HMGCLL1: variants seen among roughly 807,000 people sequenced by gnomAD.
HMGCLL1 encodes 3-hydroxymethyl-3-methylglutaryl-CoA lyase, cytoplasmic.
A neutral mutation model predicts 39.1 loss-of-function variants in HMGCLL1; 36 were observed. The ratio of observed to expected loss-of-function variants is 0.92; its 90% CI spans 0.71 to 1.22. The LOEUF is 1.22. HMGCLL1 is among the 50% of genes most tolerant of loss of function. The pLI, the probability that HMGCLL1 is intolerant of heterozygous loss-of-function variation, is 0.00. For missense variants in HMGCLL1, 451 were observed against 416.5 expected, an observed-to-expected ratio of 1.08 and a Z score of -0.72; for synonymous variants, 149 against 144.0, an observed-to-expected ratio of 1.03 and a Z score of -0.25.
chr6:55,506,541 G>C (rs1019425375), intron 5 of HMGCLL1, among the ~76,000 whole-genome samples: 18 of 151,612 alleles, frequency 1.2e-4, no homozygotes, highest in Non-Finnish European at 3.0e-5. Context: ...CAATTCATAA[G>C]CTTAAAATTG....
the HMGCLL1 span, among the ~76,000 whole-genome samples, chr6:55,674,823 T>C: frequency 6.6e-6 from 1 of 152,066 alleles, no homozygotes; most frequent in African/African-American, 2.4e-5. Context: ...ACAGCTGTTC[T>C]CTTTTTCCAG....
At chr6:55,593,182 G>A in the HMGCLL1 span, among the ~76,000 whole-genome samples, 5,475 of 152,190 alleles carry the variant, frequency 0.036, 159 homozygotes, top group South Asian at 0.11. Flanking sequence ...CAAGGAGTCA[G>A]ATTCCTGGGA....
At chr6:55,559,510 C>T (rs1162889962) in intron 1 of HMGCLL1, among the ~76,000 whole-genome samples, 1 of 152,152 alleles carries the variant, frequency 6.6e-6, no homozygotes, top group Non-Finnish European at 1.5e-5. Context: ...TGGATGTTTC[C>T]TCCTATGGTC....
intron 3 of HMGCLL1, among the ~76,000 whole-genome samples, chr6:55,524,463 TA>T (rs376524274): frequency 5.5e-4 from 74 of 134,518 alleles, no homozygotes; most frequent in East Asian, 4.4e-3. Context: ...TTATAGTCTT[TA>T]AAAAAAAAAA....
chr6:55,485,596 C>A lies in HMGCLL1; in HGVS notation c.795+9823G>T, dbSNP rs369095761. On this transcript the variant is annotated intron_variant, in intron 7 of 8. Coordinates refer to ENST00000274901, the MANE Select transcript of HMGCLL1 (RefSeq NM_001042406.2). ...GAGATAATATCTTATATAAATAGCT[C>A]TTAAAATTTGTGAGGAAAAAACATT... Among the ~76,000 whole-genome samples the A allele has an allele frequency of 2.2e-4, 34 of 151,894 alleles. No individual in the cohort carries two copies. The East Asian group carries it at 6.4e-3, about 29-fold the overall frequency.
chr6:55,533,312 T>A (rs2127450042), intron 3 of HMGCLL1, among the ~76,000 whole-genome samples: 1 of 151,960 alleles, frequency 6.6e-6, no homozygotes, highest in South Asian at 2.1e-4. Flanking sequence ...ATTATTTTAG[T>A]ATCCAAAATA....
chr6:55,642,992 T>A, the HMGCLL1 span, among the ~76,000 whole-genome samples: 2 of 152,178 alleles, frequency 1.3e-5, no homozygotes, highest in African/African-American at 4.8e-5. Context: ...TATGGCTGCA[T>A]ATTATTCCAT....
At chr6:55,490,140 T>TA (rs1766235699) in intron 7 of HMGCLL1, among the ~76,000 whole-genome samples, 1 of 152,224 alleles carries the variant, frequency 6.6e-6, no homozygotes, top group Non-Finnish European at 1.5e-5. Flanking sequence ...AGACTCTGCC[T>TA]ATGACCTTTT....
intron 7 of HMGCLL1, among the ~76,000 whole-genome samples, chr6:55,445,487 A>G (rs974790209): frequency 5.3e-5 from 8 of 152,206 alleles, no homozygotes; most frequent in African/African-American, 1.9e-4. Flanking sequence ...ATTTTTACTT[A>G]ACCATTGAAA....
chr6:55,611,329 C>A, the HMGCLL1 span, among the ~76,000 whole-genome samples: 14 of 151,976 alleles, frequency 9.2e-5, no homozygotes, highest in Admixed American at 8.5e-4. Context: ...AAATAGACAC[C>A]CTAACATCAC....
chr6:55,573,694 A>C (rs2127477967), intron 1 of HMGCLL1, among the ~76,000 whole-genome samples: 1 of 152,280 alleles, frequency 6.6e-6, no homozygotes, highest in South Asian at 2.1e-4. Flanking sequence ...CAAATAAGGC[A>C]CAGAGAAAGT....
chr6:55,671,768 T>C, the HMGCLL1 span, among the ~76,000 whole-genome samples: 1,494 of 151,896 alleles, frequency 9.8e-3, 26 homozygotes, highest in African/African-American at 0.023. Flanking sequence ...GATTCTTTTT[T>C]TTACAGCAGC....
the HMGCLL1 span, among the ~76,000 whole-genome samples, chr6:55,665,877 G>T: frequency 6.6e-6 from 1 of 151,670 alleles, no homozygotes; most frequent in East Asian, 1.9e-4. Context: ...TCTAAGTTAT[G>T]TTATATAATA....
intron 4 of HMGCLL1, among the ~76,000 whole-genome samples, chr6:55,514,438 T>C (rs1312815557): frequency 6.6e-6 from 1 of 152,082 alleles, no homozygotes; most frequent in African/African-American, 2.4e-5. Context: ...AAAAACACAA[T>C]GAGGATGTTC....
intron 1 of HMGCLL1, among the ~76,000 whole-genome samples, chr6:55,565,340 C>T (rs1239410913): frequency 6.6e-6 from 1 of 152,044 alleles, no homozygotes; most frequent in African/African-American, 2.4e-5. Flanking sequence ...AGCAAAGTCA[C>T]TGAAATTATT....
At position 55,473,526 on chromosome 6, in the gene HMGCLL1, C is replaced by T. The variant is rs866977114; in HGVS notation, c.795+21893G>A. ...ACGTTGTAATAAAGTATCCCAAATTCATTCCTCCCATATTTTATAACATTA... is the reference window on the plus strand; with the variant it reads ...ACGTTGTAATAAAGTATCCCAAATTTATTCCTCCCATATTTTATAACATTA... On this transcript the variant is annotated intron_variant, in intron 7 of 8. Transcript: ENST00000274901. Among the ~76,000 whole-genome samples, 5 of 151,520 alleles carry T rather than the reference C, an allele frequency of 3.3e-5. No individual in the cohort carries two copies. In the South Asian group the frequency reaches 1.0e-3, roughly 31 times the overall value.
chr6:55,658,664 G>T, the HMGCLL1 span, among the ~76,000 whole-genome samples: 1 of 151,876 alleles, frequency 6.6e-6, no homozygotes, highest in Admixed American at 6.6e-5. Flanking sequence ...TGTGTAACAT[G>T]GTATATAGCT....
the HMGCLL1 span, among the ~76,000 whole-genome samples, chr6:55,607,863 A>G: frequency 6.6e-6 from 1 of 152,186 alleles, no homozygotes; most frequent in African/African-American, 2.4e-5. Flanking sequence ...GTGCCACTAA[A>G]TATTTGTGAG....
intron 1 of HMGCLL1, among the ~76,000 whole-genome samples, chr6:55,578,699 G>A (rs542198402): frequency 9.2e-5 from 14 of 152,306 alleles, no homozygotes; most frequent in African/African-American, 3.4e-4. Context: ...TTCTTTAGGC[G>A]ACCAGCAAAT....
Sources: allele counts gnomAD v4.1 joint callset (sites outside exome capture counted in the v4.1 genomes callset), GRCh38; gene constraint gnomAD v4.1.1; transcripts MANE v1.5; gene names NCBI Gene and HGNC (gene_info 2026-07-23, HGNC 2026-07-21).